The following MYH11 variants were observed in gnomAD, a reference collection of about 807,000 sequenced individuals.
MYH11 encodes the protein myosin-11.
A neutral mutation model predicts 246.6 loss-of-function variants in MYH11; 80 were observed. The observed-to-expected ratio is 0.32, with a 90% CI of 0.27 to 0.39. The LOEUF (loss-of-function observed/expected upper bound fraction) is 0.39, where lower values mean the gene tolerates loss of function less well. Ranked by LOEUF, MYH11 falls within the 10% of genes least tolerant of loss-of-function variation. MYH11 has a pLI of 1.00. For missense variants in MYH11, 2,158 were observed against 2,546.8 expected (o/e 0.85, Z 3.29); for synonymous variants, 1,071 against 1,015.5 (o/e 1.05, Z -1.04).
intron 1 of MYH11, among the ~76,000 whole-genome samples, chr16:15,841,193 C>T (rs2044042776): frequency 1.3e-5 from 2 of 152,182 alleles, no homozygotes; most frequent in Non-Finnish European, 2.9e-5. Context: ...TGCTGGAGGG[C>T]AGTGGTGCAA....
At position 15,752,932 on chromosome 16, in the gene MYH11, C is replaced by A. The variant is rs376866375; in HGVS notation, c.1864+462G>T. 5.7e-4 allele frequency among the ~76,000 whole-genome samples: 87 copies of A among 152,266 alleles called. 4 individuals carry two copies. The South Asian group carries it at 0.018, about 31-fold the overall frequency. On this transcript the variant is annotated intron_variant, in intron 15 of 40. Transcript: ENST00000300036. ...GTCATGATGCCTGCTTGAGTTTGAG[C>A]ATCACTGGTCTAATTTAACCCTCAT... is the stretch of plus-strand genomic sequence containing the variant.
chr16:15,848,133 G>A (rs1159934506), intron 1 of MYH11, among the ~76,000 whole-genome samples: 1 of 151,298 alleles, frequency 6.6e-6, no homozygotes, highest in African/African-American at 2.4e-5. Context: ...CAAATGTTTT[G>A]AGAATGTTTT....
Position 15,719,134 on chromosome 16 carries a change from A to C in MYH11, c.5171+86T>G, listed in dbSNP as rs112824610. 2.2e-3 allele frequency: 3,087 copies of C among 1,399,968 alleles called. 62 individuals carry two copies. The African/African-American group carries it at 0.037, about 17-fold the overall frequency. The allele number at this position is 1,399,968 out of a possible 1,614,324, so 86.7% of individuals were successfully genotyped here. A position where few individuals can be genotyped will look rare whatever the true frequency, so the allele number is the denominator to read the frequency against. ...CAGAATGAAACTCTGTCTCGAAAAA[A>C]TTTAAAAAATAAAATGGGGGTCGAG... On this transcript the variant is annotated intron_variant, in intron 36 of 40. Coordinates refer to ENST00000300036, the MANE Select transcript of MYH11 (RefSeq NM_002474.3).
intron 2 of MYH11, among the ~76,000 whole-genome samples, chr16:15,828,803 A>AGAAG (rs370774038): frequency 0.21 from 30,167 of 143,184 alleles, 3,585 homozygotes; most frequent in African/African-American, 0.31. Context: ...AAAAAAAAAA[A>AGAAG]GAAGGAAGGA....
chr16:15,762,528 C>CACCA (rs2041891501), intron 10 of MYH11, among the ~76,000 whole-genome samples: 1 of 152,114 alleles, frequency 6.6e-6, no homozygotes, highest in South Asian at 2.1e-4. Flanking sequence ...GATCAGCTGA[C>CACCA]ACCACCCAGA....
At chr16:15,815,800 A>G (rs978536924) in intron 3 of MYH11, among the ~76,000 whole-genome samples, 2 of 152,162 alleles carry the variant, frequency 1.3e-5, no homozygotes, top group African/African-American at 2.4e-5. Flanking sequence ...GTCATGTACA[A>G]AGGATCAAGA....
At chr16:15,818,031 T>C (rs1354699601) in intron 3 of MYH11, among the ~76,000 whole-genome samples, 1 of 152,200 alleles carries the variant, frequency 6.6e-6, no homozygotes, top group African/African-American at 2.4e-5. Flanking sequence ...GGAGATACAA[T>C]GATGCACATG....
At chr16:15,825,386 CAAAA>C (rs1212947132) in intron 2 of MYH11, among the ~76,000 whole-genome samples, 229 of 60,990 alleles carry the variant, frequency 3.8e-3, no homozygotes, top group African/African-American at 7.6e-3. Flanking sequence ...CCCCTCTCTA[CAAAA>C]AAAAAAAAAA....
At chr16:15,822,192 C>T (rs1227641852) in intron 3 of MYH11, among the ~76,000 whole-genome samples, 1 of 152,180 alleles carries the variant, frequency 6.6e-6, no homozygotes, top group Non-Finnish European at 1.5e-5. Context: ...CAAGAACTTC[C>T]AGAATTGGGC....
chr16:15,749,047 C>CTGATCTAGCACCACGATCTAGCCCCTGAA (rs2041496122), intron 16 of MYH11: 2 of 152,436 alleles, frequency 1.3e-5, no homozygotes, highest in South Asian at 4.1e-4. Flanking sequence ...GATCTAGCCC[C>CTGATCTAGCACCACGATCTAGCCCCTGAA]TGCCTACCCA....
intron 10 of MYH11, 55 bp downstream of exon 10, chr16:15,763,741 T>TACCCCCCCC: frequency 4.6e-6 from 3 of 646,862 alleles, no homozygotes; most frequent in Non-Finnish European, 8.7e-6. Context: ...AAATGTCACC[T>TACCCCCCCC]CCCCCACCCC....
At chr16:15,768,810 T>C (rs1033945392) in intron 9 of MYH11, among the ~76,000 whole-genome samples, 2 of 151,242 alleles carry the variant, frequency 1.3e-5, no homozygotes, top group African/African-American at 4.9e-5. Flanking sequence ...GCCTGGAGTC[T>C]GGTCTCTGTG....
intron 13 of MYH11, among the ~76,000 whole-genome samples, chr16:15,757,541 C>A (rs1596789911): frequency 5.0e-4 from 58 of 115,042 alleles, no homozygotes; most frequent in African/African-American, 6.6e-4. Flanking sequence ...AAAGCAATGG[C>A]AGAGAAGGAA....
Position 15,750,471 on chromosome 16 carries a change from G to A in MYH11, c.1865-140C>T, listed in dbSNP as rs950335245. 3 of 836,910 alleles carry A rather than the reference G, an allele frequency of 3.6e-6. No individual in the cohort carries two copies. Among genetic ancestry groups the A allele is most frequent in the Non-Finnish European group, 5.7e-6 (3 of 526,018 alleles). 51.8% of individuals were successfully genotyped at this position (836,910 alleles called of 1,614,324 possible). A position where few individuals can be genotyped will look rare whatever the true frequency, so the allele number is the denominator to read the frequency against. The stretch of plus-strand genomic sequence containing the variant: ...ACCAACGCCTCCTTCGGCAGTCAGG[G>A]TTTCCAAGTATTGTCTATTGGGGAA... On this transcript the variant is annotated intron_variant, in intron 15 of 40. Transcript: ENST00000300036. The surrounding 1 kb of genome is among the most constrained non-coding windows in gnomAD (Gnocchi z 4.3).
chr16:15,721,387 A>T (rs1431421223), intron 32 of MYH11, 35 bp downstream of exon 32: 1 of 1,609,954 alleles, frequency 6.2e-7, no homozygotes, highest in Non-Finnish European at 8.5e-7. Flanking sequence ...GGGCAGGCGA[A>T]ACATGGACGA....
At chr16:15,758,034 T>A in intron 12 of MYH11, 34 bp from the exon 13 acceptor site, 1 of 1,612,314 alleles carries the variant, frequency 6.2e-7, no homozygotes. Flanking sequence ...GGCGTGAGCA[T>A]CTTGGTATGA....
intron 6 of MYH11, among the ~76,000 whole-genome samples, chr16:15,780,986 G>A (rs949821632): frequency 6.6e-6 from 1 of 152,124 alleles, no homozygotes; most frequent in Admixed American, 6.5e-5. Flanking sequence ...TGTAGCTGTC[G>A]CCGTGGATAG....
At chr16:15,726,369 CTT>C (rs781567624) in intron 28 of MYH11, 8,777 of 149,386 alleles carry the variant, frequency 0.059, 902 homozygotes, top group African/African-American at 0.21. Flanking sequence ...GGTTTTTTTT[CTT>C]TTTTTTTTTT....
intron 26 of MYH11, among the ~76,000 whole-genome samples, chr16:15,733,231 G>A (rs1286202035): frequency 1.3e-5 from 2 of 152,080 alleles, no homozygotes; most frequent in Non-Finnish European, 2.9e-5. Context: ...TTGAGTCCAT[G>A]GTTTTGTTTG....
Sources: gnomAD v4.1 joint callset for allele counts (sites outside exome capture counted in the v4.1 genomes callset) on GRCh38, gnomAD v4.1.1 for gene constraint, Gnocchi (gnomAD v3.1) non-coding constraint, MANE v1.5 for transcripts, NCBI Gene and HGNC (gene_info 2026-07-23, HGNC 2026-07-21) for gene names.